Variants in LDB3 observed in about 807,000 individuals in gnomAD.
LDB3 encodes the protein LIM domain binding 3.
In LDB3, 49 loss-of-function variants were observed where a neutral mutation model predicts 69.0. The ratio of observed to expected loss-of-function variants is 0.71; its 90% confidence interval spans 0.56 to 0.90. The LOEUF is 0.90. Among genes scored for constraint, LDB3 ranks in the 40% least tolerant of loss-of-function variants. The probability of loss-of-function intolerance (pLI) is 0.00; values close to 1 mark genes in which losing one functional copy is unlikely to be tolerated. For missense variants in LDB3, 928 were observed against 974.1 expected, an observed-to-expected ratio of 0.95 and a Z score of 0.63; for synonymous variants, 387 against 396.2, an observed-to-expected ratio of 0.98 and a Z score of 0.28.
At chr10:86,728,428 T>C (rs889144927) in intron 13 of LDB3, among the ~76,000 whole-genome samples, 1 of 152,092 alleles carries the variant, frequency 6.6e-6, no homozygotes, top group Non-Finnish European at 1.5e-5. Context: ...AAGGCTGATA[T>C]TACAAATAAG....
chr10:86,728,047 G>A (rs1409533197), intron 13 of LDB3, among the ~76,000 whole-genome samples: 1 of 152,146 alleles, frequency 6.6e-6, no homozygotes, highest in Non-Finnish European at 1.5e-5. Context: ...TCCAAAAAGA[G>A]ACAATGGTGT....
intron 5 of LDB3, among the ~76,000 whole-genome samples, chr10:86,686,033 C>T (rs1845450488): frequency 6.6e-6 from 1 of 152,128 alleles, no homozygotes; most frequent in Admixed American, 6.5e-5. Context: ...CTGTGTGAGC[C>T]TGAAGACCTT....
intron 5 of LDB3, among the ~76,000 whole-genome samples, chr10:86,685,112 C>A (rs1237845038): frequency 6.6e-6 from 1 of 152,174 alleles, no homozygotes; most frequent in Non-Finnish European, 1.5e-5. Flanking sequence ...GAGCTGCCTG[C>A]GTCTCTTCTG....
At chr10:86,678,363 C>T (rs985226575) in intron 2 of LDB3, among the ~76,000 whole-genome samples, 6 of 125,672 alleles carry the variant, frequency 4.8e-5, no homozygotes, top group Non-Finnish European at 6.6e-5. Context: ...TTTTTAAGAC[C>T]GAGTCTCCCT....
intron 9 of LDB3, 62 bp from the exon 10 acceptor site, chr10:86,716,265 G>A (rs909352581): frequency 2.5e-6 from 4 of 1,582,184 alleles, no homozygotes; most frequent in Non-Finnish European, 2.6e-6. Flanking sequence ...CTAGGAGTGA[G>A]GGGAACTGGG....
At chr10:86,721,382 G>A (rs1156242585) in intron 12 of LDB3, among the ~76,000 whole-genome samples, 1 of 152,156 alleles carries the variant, frequency 6.6e-6, no homozygotes, top group Admixed American at 6.6e-5. Flanking sequence ...AGAATGATAG[G>A]GTCTAGGCTG....
intron 5 of LDB3, among the ~76,000 whole-genome samples, chr10:86,684,069 C>G (rs1297145258): frequency 1.3e-5 from 2 of 152,206 alleles, no homozygotes; most frequent in Non-Finnish European, 2.9e-5. Context: ...ACTTGCAGTG[C>G]AATTCTTTGG....
intron 7 of LDB3, among the ~76,000 whole-genome samples, chr10:86,705,989 A>C (rs562743186): frequency 6.6e-6 from 1 of 152,304 alleles, no homozygotes; most frequent in East Asian, 1.9e-4. Flanking sequence ...CTGGCATGGT[A>C]GCTTTCAGCC....
At chr10:86,667,770 G>A (rs748827350), upstream of LDB3, among the ~76,000 whole-genome samples, 18 of 152,228 alleles carry the variant, frequency 1.2e-4, no homozygotes, top group South Asian at 2.1e-4. Flanking sequence ...CCTCAGACCT[G>A]CTTTCAGACC....
chr10:86,674,621 G>A (rs7074015), intron 2 of LDB3, among the ~76,000 whole-genome samples: 2 of 152,178 alleles, frequency 1.3e-5, no homozygotes, highest in African/African-American at 4.8e-5. Context: ...CCATTGGCGG[G>A]AGAAGACTGA....
chr10:86,680,899 C>G (rs1375012499), intron 4 of LDB3, among the ~76,000 whole-genome samples: 1 of 152,210 alleles, frequency 6.6e-6, no homozygotes, highest in African/African-American at 2.4e-5. Context: ...TGGGGTAGGT[C>G]ACAGACTGGG....
intron 2 of LDB3, among the ~76,000 whole-genome samples, chr10:86,674,547 G>A (rs137975863): frequency 2.0e-4 from 30 of 152,320 alleles, no homozygotes; most frequent in African/African-American, 5.5e-4. Context: ...ACAGGAGCTC[G>A]GTGCCCCACC....
In LDB3 at chr10:86,685,585, A is replaced by G. The variant is rs1264196066; in HGVS notation, c.689+3782A>G. Reference sequence around the variant, plus strand: ...CGGTTTGGGCTGGTTCTGCCTCCACAATGACCAGGCTGATGATGGCCCCGG... The same window carrying G: ...CGGTTTGGGCTGGTTCTGCCTCCACGATGACCAGGCTGATGATGGCCCCGG... On this transcript the variant is annotated intron_variant, in intron 5 of 13. Transcript: ENST00000361373. 4.5e-6 allele frequency: 6 copies of G among 1,333,646 alleles called. No individual in the cohort carries two copies. The Admixed American group carries it at 5.0e-5, about 11-fold the overall frequency. 82.6% of individuals were successfully genotyped at this position (1,333,646 alleles called of 1,614,324 possible).
At chr10:86,692,089 C>A (rs547251586) in intron 6 of LDB3, 24 bp downstream of exon 6, 126 of 1,613,398 alleles carry the variant, frequency 7.8e-5, no homozygotes, top group South Asian at 7.1e-4. Flanking sequence ...CTCAGGGTGG[C>A]TGCAGAGGAG....
At chr10:86,715,801 G>C (rs1356998176) in intron 9 of LDB3, among the ~76,000 whole-genome samples, 1 of 152,060 alleles carries the variant, frequency 6.6e-6, no homozygotes, top group Non-Finnish European at 1.5e-5. Context: ...AGTAATTGTA[G>C]CTAAACCTGA....
At chr10:86,715,752 GC>G (rs1456378436) in intron 9 of LDB3, among the ~76,000 whole-genome samples, 2 of 151,726 alleles carry the variant, frequency 1.3e-5, no homozygotes, top group African/African-American at 2.4e-5. Context: ...AGACGGAATT[GC>G]CCCCCAATAC....
At chr10:86,731,004 A>C (rs1847435122) in intron 13 of LDB3, among the ~76,000 whole-genome samples, 1 of 151,672 alleles carries the variant, frequency 6.6e-6, no homozygotes, top group Admixed American at 6.6e-5. Flanking sequence ...CTACAAAAAA[A>C]ATTAGCTGAG....
chr10:86,723,513 G>C (rs1458472605), intron 12 of LDB3, among the ~76,000 whole-genome samples: 2 of 152,102 alleles, frequency 1.3e-5, no homozygotes, highest in Admixed American at 1.3e-4. Flanking sequence ...CAGAGGCATG[G>C]AGGTGTAAGA....
In LDB3 at chr10:86,734,684, T is replaced by G. The variant is rs1053596597; in HGVS notation, c.*1708T>G. 1.3e-5 allele frequency: 2 copies of G among 152,208 alleles called. No individual in the cohort carries two copies. Among genetic ancestry groups the G allele is most frequent in the Non-Finnish European group, 2.9e-5 (2 of 68,058 alleles). The allele number at this position is 152,208 out of a possible 1,614,324, so 9.4% of individuals were successfully genotyped here. Reference sequence around the variant, plus strand: ...GTCCCTAGCTGCAGGAAGCCCCTATTTTTTCCAAGCACGAAGCCACCAGTC... The same window carrying G: ...GTCCCTAGCTGCAGGAAGCCCCTATGTTTTCCAAGCACGAAGCCACCAGTC... On this transcript the variant is annotated 3_prime_UTR_variant, in exon 14 of 14. Coordinates refer to ENST00000361373, the MANE Select transcript of LDB3 (RefSeq NM_007078.3).
Sources: allele counts gnomAD v4.1 joint callset (sites outside exome capture counted in the v4.1 genomes callset), GRCh38; gene constraint gnomAD v4.1.1; transcripts MANE v1.5; gene names NCBI Gene and HGNC (gene_info 2026-07-23, HGNC 2026-07-21).